The following AGAP1 variants were observed in gnomAD, a reference collection of about 807,000 sequenced individuals.
The protein encoded by AGAP1 is ArfGAP with GTPase domain, ankyrin repeat and PH domain 1, also known as arf-GAP with GTPase, ANK repeat and PH domain-containing protein 1.
A neutral mutation model predicts 105.3 loss-of-function variants in AGAP1; 29 were observed. That is an observed-to-expected ratio of 0.28 (90% CI 0.21 to 0.38). AGAP1 has a LOEUF of 0.38. Ranked by LOEUF, AGAP1 falls within the 10% of genes least tolerant of loss-of-function variation. The pLI, the probability that AGAP1 is intolerant of heterozygous loss-of-function variation, is 1.00. For synonymous variants in AGAP1, 509 were observed against 485.9 expected, an observed-to-expected ratio of 1.05 and a Z score of -0.63; for missense variants, 998 against 1,165.1, an observed-to-expected ratio of 0.86 and a Z score of 2.09.
Position 235,792,584 on chromosome 2 carries a change from A to G in AGAP1, c.674-5175A>G, listed in dbSNP as rs975101257. On this transcript the variant is annotated intron_variant, in intron 6 of 17. Coordinates refer to ENST00000304032, the MANE Select transcript of AGAP1 (RefSeq NM_001037131.3). This position sits in a 1 kb window ranked among gnomAD's most constrained non-coding sequence, Gnocchi z 5.3. ...TGCTTTGGTCACCAGCTGTGGAAGG[A>G]TAAGTCTTAGACCAAGGCAGTGGCA... Among the ~76,000 whole-genome samples the G allele has an allele frequency of 7.9e-5, 12 of 152,344 alleles. No individual in the cohort carries two copies. Among genetic ancestry groups the G allele is most frequent in the African/African-American group, 2.9e-4 (12 of 41,588 alleles).
At chr2:235,862,858 C>T (rs906108186) in intron 9 of AGAP1, among the ~76,000 whole-genome samples, 109 of 152,150 alleles carry the variant, frequency 7.2e-4, no homozygotes, top group African/African-American at 2.5e-3. Flanking sequence ...ACTCACCGTG[C>T]GTGCATTGAG....
intron 11 of AGAP1, among the ~76,000 whole-genome samples, chr2:235,910,435 G>A (rs921927738): frequency 6.6e-6 from 1 of 152,184 alleles, no homozygotes; most frequent in African/African-American, 2.4e-5. Context: ...TATTTTTCCA[G>A]GGGCTTCTAT....
intron 9 of AGAP1, among the ~76,000 whole-genome samples, chr2:235,861,720 TC>T (rs1198486645): frequency 1.3e-5 from 2 of 152,146 alleles, no homozygotes; most frequent in Non-Finnish European, 1.5e-5. Flanking sequence ...ACCCACTGTG[TC>T]CCTGGGGGAC....
chr2:236,030,018 A>G (rs2057178108), intron 13 of AGAP1, among the ~76,000 whole-genome samples: 1 of 152,228 alleles, frequency 6.6e-6, no homozygotes, highest in African/African-American at 2.4e-5. Flanking sequence ...GTTGGCAGAC[A>G]TGATCCCTTG....
chr2:235,514,887 GT>G (rs1233023519), intron 1 of AGAP1, among the ~76,000 whole-genome samples: 2 of 152,182 alleles, frequency 1.3e-5, no homozygotes, highest in African/African-American at 2.4e-5. Context: ...AACATACCTG[GT>G]GTTTAGATCA....
rs1019534115 is a variant in AGAP1, at chr2:235,887,381, G to A, written c.1155+3932G>A. Among the ~76,000 whole-genome samples the A allele has an allele frequency of 6.6e-6, 1 of 152,286 alleles. No homozygotes were observed. The highest frequency in any genetic ancestry group is 1.5e-5 in the Non-Finnish European group (1 of 68,032). On this transcript the variant is annotated intron_variant, in intron 10 of 17. Coordinates refer to ENST00000304032, the MANE Select transcript of AGAP1 (RefSeq NM_001037131.3). This position sits in a 1 kb window ranked among gnomAD's most constrained non-coding sequence, Gnocchi z 4.1. ...TGGTAACACCCTATTGTCTGAACAT[G>A]GGAACCTGCCTCCTTTTCTCTCCTC...
intron 1 of AGAP1, among the ~76,000 whole-genome samples, chr2:235,646,552 C>T (rs1467619324): frequency 6.6e-6 from 1 of 152,182 alleles, no homozygotes; most frequent in Non-Finnish European, 1.5e-5. Context: ...TTTTGGTTAG[C>T]TGGGTTAGGC....
chr2:236,083,808 G>A lies in AGAP1; in HGVS notation c.2114+34527G>A, dbSNP rs2058850049. On this transcript the variant is annotated intron_variant, in intron 16 of 17. Transcript: ENST00000304032. This position sits in a 1 kb window ranked among gnomAD's most constrained non-coding sequence, Gnocchi z 5.3. Reference sequence around the variant, plus strand: ...GCCACAATAAACCATCGCAGAGCAAGGAGTGCCTCTTCTGAGATCCCATTC... The same window carrying A: ...GCCACAATAAACCATCGCAGAGCAAAGAGTGCCTCTTCTGAGATCCCATTC... Among the ~76,000 whole-genome samples, 3 of 152,136 alleles carry A rather than the reference G, an allele frequency of 2.0e-5. No homozygotes were observed. The highest frequency in any genetic ancestry group is 7.2e-5 in the African/African-American group (3 of 41,410).
intron 16 of AGAP1, among the ~76,000 whole-genome samples, chr2:236,072,842 G>T (rs945338213): frequency 6.6e-6 from 1 of 152,064 alleles, no homozygotes; most frequent in Non-Finnish European, 1.5e-5. Context: ...ACTATACCAG[G>T]AGCCATATGT....
intron 9 of AGAP1, among the ~76,000 whole-genome samples, chr2:235,819,671 G>T (rs571103151): frequency 1.3e-5 from 2 of 151,858 alleles, no homozygotes; most frequent in African/African-American, 4.8e-5. Flanking sequence ...TCTTTCCTCC[G>T]ATGCCCGTCC....
chr2:235,852,480 T>C (rs916059476), intron 9 of AGAP1, among the ~76,000 whole-genome samples: 3 of 152,140 alleles, frequency 2.0e-5, no homozygotes. Context: ...TTTTAGGAAA[T>C]TGGGTGTTTG....
rs1961114939 is a variant in AGAP1, at chr2:235,843,567, C to G, written c.1050+36236C>G. On this transcript the variant is annotated intron_variant, in intron 9 of 17. Transcript: ENST00000304032. This position sits in a 1 kb window ranked among gnomAD's most constrained non-coding sequence, Gnocchi z 5.9. Reference sequence around the variant, plus strand: ...CCTCCCTTCGTTCCCCATTTGCAGCCTCTAGGTGCCCTGTCTTGGCCAGCA... The same window carrying G: ...CCTCCCTTCGTTCCCCATTTGCAGCGTCTAGGTGCCCTGTCTTGGCCAGCA... Among the ~76,000 whole-genome samples, 1 of 152,142 alleles carries G rather than the reference C, an allele frequency of 6.6e-6. No individual in the cohort carries two copies. The highest frequency in any genetic ancestry group is 2.4e-5 in the African/African-American group (1 of 41,436).
At chr2:235,573,089 TTTCTTCTTC>T (rs752486902) in intron 1 of AGAP1, among the ~76,000 whole-genome samples, 1 of 118,906 alleles carries the variant, frequency 8.4e-6, no homozygotes, top group Non-Finnish European at 1.6e-5. Flanking sequence ...TTCTTTCTTC[TTTCTTCTTC>T]TTCTTCCTTT....
At chr2:235,745,489 GC>G (rs1289209294) in intron 5 of AGAP1, among the ~76,000 whole-genome samples, 2 of 152,200 alleles carry the variant, frequency 1.3e-5, no homozygotes, top group Non-Finnish European at 2.9e-5. Flanking sequence ...TGCTGGGTCT[GC>G]CACTAGGGTC....
chr2:235,737,637 G>T lies in AGAP1; in HGVS notation c.311-3326G>T, dbSNP rs60096867. On this transcript the variant is annotated intron_variant, in intron 3 of 17. Coordinates refer to ENST00000304032, the MANE Select transcript of AGAP1 (RefSeq NM_001037131.3). This position sits in a 1 kb window ranked among gnomAD's most constrained non-coding sequence, Gnocchi z 4.5. ...AGAGGAAGCAAAGGAGAGGATGGAC[G>T]TGAAATCCGTCCTATGCATGCTCAC... Among the ~76,000 whole-genome samples, 3 of 152,184 alleles carry T rather than the reference G, an allele frequency of 2.0e-5. No homozygotes were observed. The highest frequency in any genetic ancestry group is 4.4e-5 in the Non-Finnish European group (3 of 68,034).
Position 235,615,390 on chromosome 2 carries a change from A to G in AGAP1, c.164-93789A>G, listed in dbSNP as rs1946275937. ...CAATTGGAGTGATCTCATATGACCA[A>G]AAGTTGGAATGATCCCATTCTTTAC... On this transcript the variant is annotated intron_variant, in intron 1 of 17. Coordinates refer to ENST00000304032, the MANE Select transcript of AGAP1 (RefSeq NM_001037131.3). This position sits in a 1 kb window ranked among gnomAD's most constrained non-coding sequence, Gnocchi z 5.0. 6.6e-6 allele frequency among the ~76,000 whole-genome samples: 1 copy of G among 152,230 alleles called. No homozygotes were observed. The highest frequency in any genetic ancestry group is 2.4e-5 in the African/African-American group (1 of 41,464).
intron 12 of AGAP1, among the ~76,000 whole-genome samples, chr2:235,954,162 C>G (rs1197484436): frequency 6.6e-6 from 1 of 151,834 alleles, no homozygotes; most frequent in Non-Finnish European, 1.5e-5. Flanking sequence ...TCGCTTGAAC[C>G]CGGGAGGCAG....
At chr2:235,817,430 C>T (rs919740734) in intron 9 of AGAP1, among the ~76,000 whole-genome samples, 5 of 151,890 alleles carry the variant, frequency 3.3e-5, no homozygotes, top group Non-Finnish European at 5.9e-5. Context: ...TTTTGAGTAG[C>T]AAAAACACTT....
rs62190915 is a variant in AGAP1 at position 235,893,681 on chromosome 2, T to C, written c.1155+10232T>C. Among the ~76,000 whole-genome samples the C allele has an allele frequency of 4.0e-3, 615 of 152,186 alleles. 3 individuals carry two copies. The highest frequency in any genetic ancestry group is 6.5e-3 in the Non-Finnish European group (442 of 68,002). On this transcript the variant is annotated intron_variant, in intron 10 of 17. Coordinates refer to ENST00000304032, the MANE Select transcript of AGAP1 (RefSeq NM_001037131.3). The surrounding 1 kb of genome is among the most constrained non-coding windows in gnomAD (Gnocchi z 4.7). ...GAATGTCCCTTTCTGCCCCATCTAG[T>C]GTATGTCATTGAGGAGGAGGGCTGT...
Sources: allele counts gnomAD v4.1 joint callset (sites outside exome capture counted in the v4.1 genomes callset), GRCh38; gene constraint gnomAD v4.1.1; non-coding constraint Gnocchi (gnomAD v3.1); transcripts MANE v1.5; gene names NCBI Gene and HGNC (gene_info 2026-07-23, HGNC 2026-07-21).